The following MIA2 variants were observed in gnomAD, a reference collection of about 807,000 sequenced individuals.
MIA2 encodes the protein MIA SH3 domain ER export factor 2.
Under a neutral mutation model 167.8 loss-of-function variants are expected in MIA2, and 127 were observed. The ratio of observed to expected loss-of-function variants is 0.76; its 90% confidence interval spans 0.66 to 0.88. MIA2 has a LOEUF of 0.88. Ranked by LOEUF, MIA2 falls within the 40% of genes least tolerant of loss-of-function variation. The pLI is 0.00. For synonymous variants in MIA2, 552 were observed against 541.9 expected (o/e 1.02, Z -0.26); for missense variants, 1,690 against 1,624.7 (o/e 1.04, Z -0.69).
intron 6 of MIA2, chr14:39,266,824 C>T (rs1594771614): frequency 5.6e-6 from 1 of 179,868 alleles, no homozygotes; most frequent in Non-Finnish European, 9.9e-6. Context: ...CTGGGCCTGG[C>T]GTCGGCCCCT....
At chr14:39,267,175 G>GGTGGC (rs2055912288) in intron 6 of MIA2, 1 of 1,188,050 alleles carries the variant, frequency 8.4e-7, no homozygotes. Context: ...CGAGGGGTGG[G>GGTGGC]GTGGCGAGGA....
rs537418828 is a variant in MIA2 at position 39,341,088 on chromosome 14, G to A, written c.3656-4816G>A. Among the ~76,000 whole-genome samples, 24 of 152,198 alleles carry A rather than the reference G, an allele frequency of 1.6e-4. No individual in the cohort carries two copies. In the South Asian group the frequency reaches 4.6e-3, roughly 29 times the overall value. ...AAGCTGAGGCGGGCAGATCACCTGA[G>A]GTCAGAAGTTCAAGACCAACCTGGC... On this transcript the variant is annotated intron_variant, in intron 25 of 28. Coordinates refer to ENST00000640607, the MANE Select transcript of MIA2 (RefSeq NM_001329214.4).
At chr14:39,333,289 C>T (rs777797155) in intron 25 of MIA2, among the ~76,000 whole-genome samples, 2 of 152,158 alleles carry the variant, frequency 1.3e-5, no homozygotes, top group Non-Finnish European at 2.9e-5. Context: ...ACTGGTCTTG[C>T]TGTAGAAGAC....
At chr14:39,317,708 T>C (rs901170056) in intron 21 of MIA2, among the ~76,000 whole-genome samples, 1 of 152,218 alleles carries the variant, frequency 6.6e-6, no homozygotes, top group African/African-American at 2.4e-5. Context: ...CCCAGATTTA[T>C]GGATGAGGAA....
In MIA2 at chr14:39,277,770, A is replaced by ATGTGTGTG. The variant is rs2058363861; in HGVS notation, c.2019+706_2019+707insGTGTGTGT. ...TGTGTATATATATATATATATATAT[A>ATGTGTGTG]TATATATATATTTATATTTAAAGAG... On this transcript the variant is annotated intron_variant, in intron 7 of 28. Coordinates refer to ENST00000640607, the MANE Select transcript of MIA2 (RefSeq NM_001329214.4). Among the ~76,000 whole-genome samples the ATGTGTGTG allele has an allele frequency of 7.7e-5, 3 of 38,858 alleles. 1 individual carries two copies. The highest frequency in any genetic ancestry group is 9.4e-5 in the Non-Finnish European group (2 of 21,192). 25.5% of individuals were successfully genotyped at this position (38,858 alleles called of 152,430 possible).
chr14:39,299,187 A>C (rs183599895), intron 13 of MIA2, among the ~76,000 whole-genome samples: 6 of 149,890 alleles, frequency 4.0e-5, no homozygotes, highest in Admixed American at 3.3e-4. Context: ...AGTCAAGTCT[A>C]CCTTTTATAA....
intron 2 of MIA2, among the ~76,000 whole-genome samples, chr14:39,239,025 A>G (rs2053923921): frequency 6.6e-6 from 1 of 152,122 alleles, no homozygotes; most frequent in Admixed American, 6.5e-5. Context: ...CCCAAGCTGA[A>G]CAAGCATGGT....
intron 7 of MIA2, among the ~76,000 whole-genome samples, chr14:39,278,003 C>T (rs1394828518): frequency 2.6e-5 from 4 of 151,218 alleles, no homozygotes; most frequent in African/African-American, 9.7e-5. Context: ...GACAGGATTT[C>T]ACTCCTGTCA....
Position 39,318,016 on chromosome 14 carries a change from G to C in MIA2, c.3284+5G>C. Reference sequence around the variant, plus strand: ...AAATGCTCACAACAGACAAAAGTAAGTATCTTAGTGGGAACATTTAAAATT... The same window carrying C: ...AAATGCTCACAACAGACAAAAGTAACTATCTTAGTGGGAACATTTAAAATT... On this transcript the variant is annotated splice_donor_5th_base_variant and intron_variant, in intron 22 of 28. Transcript: ENST00000640607. 3.2e-6 allele frequency: 5 copies of C among 1,558,404 alleles called. No individual in the cohort carries two copies. In the South Asian group the frequency reaches 6.1e-5, roughly 19 times the overall value.
intron 6 of MIA2, among the ~76,000 whole-genome samples, chr14:39,267,857 TCCTTCGAC>T (rs2056257732): frequency 6.6e-6 from 1 of 152,206 alleles, no homozygotes; most frequent in South Asian, 2.1e-4. Flanking sequence ...GACACGTGGT[TCCTTCGAC>T]TGTGAGAAAC....
intron 15 of MIA2, 60 bp from the exon 16 acceptor site, chr14:39,303,418 T>C (rs1421298935): frequency 5.8e-6 from 7 of 1,210,526 alleles, no homozygotes; most frequent in Non-Finnish European, 8.4e-6. Flanking sequence ...CATTTTGATG[T>C]CTATTGTCGT....
Position 39,348,865 on chromosome 14 carries a change from C to G in MIA2, c.3960C>G (p.Phe1320Leu). The G allele has an allele frequency of 6.2e-7, 1 of 1,614,100 alleles. No homozygotes were observed. ...PLFPVDARGPFLRRGPPFPPP... is the reference protein window; with the variant it reads ...PLFPVDARGPLLRRGPPFPPP... ...TTCCAGTGGATGCAAGAGGCCCATT[C>G]TTGAGAAGAGGACCTCCTTTCCCCC... Residue 1320 changes from phenylalanine to leucine, a missense_variant, in exon 28 of 29, where the codon TTC (phenylalanine) becomes TTG (leucine). Physicochemically the swap from Phe to Leu is conservative, Grantham distance 22. Coordinates refer to ENST00000640607, the MANE Select transcript of MIA2 (RefSeq NM_001329214.4).
At chr14:39,237,477 C>A (rs1405267815) in intron 2 of MIA2, among the ~76,000 whole-genome samples, 2 of 152,016 alleles carry the variant, frequency 1.3e-5, no homozygotes, top group African/African-American at 4.8e-5. Flanking sequence ...TTTCAAAACA[C>A]GGTGTATATA....
chr14:39,237,368 T>C (rs2053801088), intron 2 of MIA2: 2 of 322,846 alleles, frequency 6.2e-6, no homozygotes, highest in East Asian at 1.6e-4. Context: ...GCTAAAGTAA[T>C]CTGCCTGCTT....
At chr14:39,318,089 G>A (rs1038335555) in intron 22 of MIA2, 78 bp downstream of exon 22, 1 of 1,078,386 alleles carries the variant, frequency 9.3e-7, no homozygotes, top group South Asian at 1.5e-5. Context: ...ATAAGGTTAA[G>A]CAAGAAAACT....
intron 7 of MIA2, among the ~76,000 whole-genome samples, chr14:39,278,439 T>G (rs888691247): frequency 2.0e-5 from 3 of 152,226 alleles, no homozygotes; most frequent in Admixed American, 1.3e-4. Context: ...CTACACTCAT[T>G]GTAGAGTATC....
At chr14:39,300,888 G>A (rs2062294548) in intron 14 of MIA2, among the ~76,000 whole-genome samples, 1 of 151,190 alleles carries the variant, frequency 6.6e-6, no homozygotes, top group African/African-American at 2.4e-5. Context: ...CAAAATTCCA[G>A]CTTTCTGAGT....
chr14:39,309,536 G>T (rs939299302), intron 18 of MIA2, among the ~76,000 whole-genome samples: 5 of 152,134 alleles, frequency 3.3e-5, no homozygotes, highest in African/African-American at 1.2e-4. Flanking sequence ...GAATGGCTCA[G>T]TTCTTCATTT....
intron 6 of MIA2, among the ~76,000 whole-genome samples, chr14:39,268,288 G>A (rs1016663583): frequency 1.3e-5 from 2 of 152,112 alleles, no homozygotes; most frequent in African/African-American, 4.8e-5. Context: ...TTCTTGTTAG[G>A]TGAATTAAAG....
Sources: allele counts gnomAD v4.1 joint callset (sites outside exome capture counted in the v4.1 genomes callset), GRCh38; gene constraint gnomAD v4.1.1; transcripts MANE v1.5; gene names NCBI Gene and HGNC (gene_info 2026-07-23, HGNC 2026-07-21).